Variants in ATAD2B observed in about 807,000 individuals in gnomAD.
ATAD2B encodes ATPase family AAA domain-containing protein 2B.
A neutral mutation model predicts 167.6 loss-of-function variants in ATAD2B; 40 were observed. That is an observed-to-expected ratio of 0.24 (90% CI 0.19 to 0.31). The LOEUF (loss-of-function observed/expected upper bound fraction) is 0.31. Among genes scored for constraint, ATAD2B ranks in the 10% least tolerant of loss-of-function variants. ATAD2B has a pLI of 1.00. For synonymous variants in ATAD2B, 579 were observed against 596.5 expected (o/e 0.97, Z 0.43); for missense variants, 1,242 against 1,757.2 (o/e 0.71, Z 5.24).
chr2:23,876,742 G>C (rs1173889945), intron 7 of ATAD2B, among the ~76,000 whole-genome samples: 1 of 152,020 alleles, frequency 6.6e-6, no homozygotes, highest in Non-Finnish European at 1.5e-5. Flanking sequence ...TAATCTTTGA[G>C]ACTATGAGAT....
At chr2:23,847,376 A>C (rs965406004) in intron 13 of ATAD2B, among the ~76,000 whole-genome samples, 2 of 151,938 alleles carry the variant, frequency 1.3e-5, no homozygotes, top group Non-Finnish European at 2.9e-5. Context: ...TGGTTGGTAC[A>C]CACCTGTAGC....
intron 24 of ATAD2B, among the ~76,000 whole-genome samples, chr2:23,759,579 T>C (rs921515188): frequency 6.6e-6 from 1 of 152,192 alleles, no homozygotes; most frequent in Non-Finnish European, 1.5e-5. Flanking sequence ...CTTTCTTACC[T>C]AAGAATATAT....
At chr2:23,747,465 T>C (rs550687622), downstream of ATAD2B, among the ~76,000 whole-genome samples, 4 of 152,068 alleles carry the variant, frequency 2.6e-5, no homozygotes, top group African/African-American at 9.6e-5. Context: ...AGAACAAACT[T>C]TGGTAAAGTG....
intron 1 of ATAD2B, among the ~76,000 whole-genome samples, chr2:23,907,493 T>C (rs1701667642): frequency 1.3e-5 from 2 of 152,224 alleles, no homozygotes; most frequent in South Asian, 2.1e-4. Context: ...GGAAGAACAT[T>C]CCATGCTCAT....
chr2:23,892,001 C>T (rs72790309), intron 2 of ATAD2B, among the ~76,000 whole-genome samples: 2,771 of 152,230 alleles, frequency 0.018, 35 homozygotes, highest in Non-Finnish European at 0.026. Flanking sequence ...TTCAAAAAAG[C>T]CCAAGTTCTG....
the ATAD2B span, chr2:23,691,915 G>A: frequency 6.5e-7 from 1 of 1,530,904 alleles, no homozygotes; most frequent in African/African-American, 1.4e-5. Context: ...GGGGGGAAGA[G>A]TGCAGATGGG....
chr2:23,819,495 A>G (rs1374087142), intron 17 of ATAD2B, among the ~76,000 whole-genome samples: 1 of 150,878 alleles, frequency 6.6e-6, no homozygotes, highest in Non-Finnish European at 1.5e-5. Context: ...TGCCTCCCAA[A>G]AAAAAAAAAA....
intron 22 of ATAD2B, among the ~76,000 whole-genome samples, chr2:23,766,479 G>C (rs921232869): frequency 6.6e-6 from 1 of 152,192 alleles, no homozygotes; most frequent in Non-Finnish European, 1.5e-5. Flanking sequence ...TAACTTTTCT[G>C]ATTTGAAAGT....
intron 24 of ATAD2B, among the ~76,000 whole-genome samples, chr2:23,760,719 C>CACACATATACACACACACACACACAT (rs1676594224): frequency 1.4e-5 from 2 of 142,658 alleles, no homozygotes; most frequent in African/African-American, 2.6e-5. Flanking sequence ...CACACACACA[C>CACACATATACACACACACACACACAT]ACACACACAC....
At chr2:23,777,781 A>G (rs80209559) in intron 22 of ATAD2B, among the ~76,000 whole-genome samples, 3,970 of 152,226 alleles carry the variant, frequency 0.026, 174 homozygotes, top group African/African-American at 0.091. Context: ...TCATGTATCT[A>G]TACTGTAGTA....
At chr2:23,843,136 A>T (rs1572999914) in intron 13 of ATAD2B, among the ~76,000 whole-genome samples, 1 of 152,352 alleles carries the variant, frequency 6.6e-6, no homozygotes, top group East Asian at 1.9e-4. Context: ...AATGCATGAA[A>T]ATCACATTGG....
chr2:23,679,336 T>A, the ATAD2B span, among the ~76,000 whole-genome samples: 1 of 152,226 alleles, frequency 6.6e-6, no homozygotes, highest in Non-Finnish European at 1.5e-5. Context: ...AAATGCCTCA[T>A]CTGGGACAGC....
intron 10 of ATAD2B, among the ~76,000 whole-genome samples, chr2:23,867,083 C>A (rs922871323): frequency 3.3e-5 from 5 of 152,132 alleles, no homozygotes; most frequent in African/African-American, 1.2e-4. Flanking sequence ...CTCCTTAATG[C>A]CAAACCTAAA....
Position 23,926,483 on chromosome 2 carries a change from C to T in ATAD2B, c.216+72G>A, listed in dbSNP as rs530632685. 50 of 1,501,884 alleles carry T rather than the reference C, an allele frequency of 3.3e-5. No individual in the cohort carries two copies. In the African/African-American group the frequency reaches 6.4e-4, roughly 19 times the overall value. The allele number at this position is 1,501,884 out of a possible 1,614,324, so 93.0% of individuals were successfully genotyped here. A position where few individuals can be genotyped will look rare whatever the true frequency, so the allele number is the denominator to read the frequency against. ...TCCACTGTAGGCTTCCTACCCCCAA[C>T]CCGGCCAGACAAAGCCCCGGCAGCA... On this transcript the variant is annotated intron_variant, in intron 1 of 27. Coordinates refer to ENST00000238789, the MANE Select transcript of ATAD2B (RefSeq NM_017552.4).
At chr2:23,874,571 C>T (rs527480791) in intron 8 of ATAD2B, among the ~76,000 whole-genome samples, 1 of 151,688 alleles carries the variant, frequency 6.6e-6, no homozygotes, top group African/African-American at 2.4e-5. Flanking sequence ...AAAATAGTGC[C>T]GTGTGCCTGT....
At chr2:23,699,876 CCT>C in the ATAD2B span, among the ~76,000 whole-genome samples, 1,573 of 152,342 alleles carry the variant, frequency 0.01, 11 homozygotes, top group African/African-American at 0.021. Flanking sequence ...CCTGTCTTGA[CCT>C]CTCTCTTCAG....
In ATAD2B at chr2:23,754,640, A is replaced by C. The variant is rs1476760334; in HGVS notation, c.4206+7T>G. The C allele has an allele frequency of 6.2e-7, 1 of 1,609,096 alleles. No individual in the cohort carries two copies. The highest frequency in any genetic ancestry group is 2.2e-5 in the East Asian group (1 of 44,824). On this transcript the variant is annotated splice_region_variant and intron_variant, in intron 26 of 27. Transcript: ENST00000238789. ...TTTAAAACTTGACTGGGAATAGCTA[A>C]GCTTACCTTCAATCTCTCACGATCA... is the stretch of plus-strand genomic sequence containing the variant.
At chr2:23,744,723 C>T (rs781157694), downstream of ATAD2B, among the ~76,000 whole-genome samples, 84 of 152,054 alleles carry the variant, frequency 5.5e-4, 1 homozygote, top group Non-Finnish European at 3.4e-4. Flanking sequence ...TGACTCCAGC[C>T]GCATACTATT....
At chr2:23,761,964 A>C (rs72780106) in intron 24 of ATAD2B, among the ~76,000 whole-genome samples, 9,042 of 152,298 alleles carry the variant, frequency 0.059, 332 homozygotes, top group Middle Eastern at 0.099. Context: ...TTTAAAACTG[A>C]AAATATTCAA....
Sources: gnomAD v4.1 joint callset for allele counts (sites outside exome capture counted in the v4.1 genomes callset) on GRCh38, gnomAD v4.1.1 for gene constraint, MANE v1.5 for transcripts, NCBI Gene and HGNC (gene_info 2026-07-23, HGNC 2026-07-21) for gene names.